Variants in ZFYVE28 observed in about 807,000 individuals in gnomAD.
The protein encoded by ZFYVE28 is lateral signaling target protein 2 homolog.
ZFYVE28 carries 40 observed loss-of-function variants against 82.1 expected under a neutral mutation model. That is an observed-to-expected ratio of 0.49 (90% CI 0.38 to 0.63). The LOEUF (loss-of-function observed/expected upper bound fraction) is 0.63. ZFYVE28 is among the 30% of genes least tolerant of loss of function. The pLI, the probability that ZFYVE28 is intolerant of heterozygous loss-of-function variation, is 0.00. For synonymous variants in ZFYVE28, 612 were observed against 546.1 expected, an observed-to-expected ratio of 1.12 and a Z score of -1.68; for missense variants, 1,321 against 1,242.1, an observed-to-expected ratio of 1.06 and a Z score of -0.96.
chr4:2,288,553 G>T (rs567633408), intron 8 of ZFYVE28, among the ~76,000 whole-genome samples: 1 of 152,366 alleles, frequency 6.6e-6, no homozygotes, highest in South Asian at 2.1e-4. Context: ...CTGCCATGGG[G>T]AGGGTGTCTC....
chr4:2,381,954 T>C (rs1728769955), intron 1 of ZFYVE28, among the ~76,000 whole-genome samples: 1 of 152,222 alleles, frequency 6.6e-6, no homozygotes, highest in Non-Finnish European at 1.5e-5. Flanking sequence ...TGGTGCCCTG[T>C]GTCCCAGCTG....
In ZFYVE28 at chr4:2,339,191, C is replaced by T. The variant is rs1174271450; in HGVS notation, c.521+262G>A. On this transcript the variant is annotated intron_variant, in intron 4 of 12. Transcript: ENST00000290974. This position sits in a 1 kb window ranked among gnomAD's most constrained non-coding sequence, Gnocchi z 5.0. ...TGCATGTCTGGCCCCTCGGGCCTCTCCAAAGCCCTTCCCCTGGAGGCCCAC... is the reference window on the plus strand; with the variant it reads ...TGCATGTCTGGCCCCTCGGGCCTCTTCAAAGCCCTTCCCCTGGAGGCCCAC... Among the ~76,000 whole-genome samples, 3 of 152,220 alleles carry T rather than the reference C, an allele frequency of 2.0e-5. No individual in the cohort carries two copies. The highest frequency in any genetic ancestry group is 2.9e-5 in the Non-Finnish European group (2 of 68,036).
At chr4:2,271,504 A>C in intron 11 of ZFYVE28, 90 bp from the exon 12 acceptor site, 1 of 1,481,426 alleles carries the variant, frequency 6.8e-7, no homozygotes, top group Non-Finnish European at 9.4e-7. Context: ...CCTCCTTTCC[A>C]GACTGCCAAG....
chr4:2,413,574 AG>A (rs1732742112), intron 1 of ZFYVE28, among the ~76,000 whole-genome samples: 1 of 152,150 alleles, frequency 6.6e-6, no homozygotes, highest in Non-Finnish European at 1.5e-5. Flanking sequence ...CAGCCTGTGC[AG>A]CATCCGGAAC....
rs899888324 is a variant in ZFYVE28, at chr4:2,364,983, C to T, written c.40-10910G>A. The T allele has an allele frequency of 2.1e-5, 18 of 841,622 alleles. No individual in the cohort carries two copies. In the African/African-American group the frequency reaches 2.6e-4, roughly 12 times the overall value. The allele number at this position is 841,622 out of a possible 1,614,324, so 52.1% of individuals were successfully genotyped here. A position where few individuals can be genotyped will look rare whatever the true frequency, so the allele number is the denominator to read the frequency against. On this transcript the variant is annotated intron_variant, in intron 1 of 12. Coordinates refer to ENST00000290974, the MANE Select transcript of ZFYVE28 (RefSeq NM_020972.3). ...ACAGAGCCGGGGTGTCCCGGGCGCA[C>T]GCGGGGGTCACTCCCTAGGCGTCAG...
At chr4:2,312,706 G>A (rs1321749466) in intron 7 of ZFYVE28, among the ~76,000 whole-genome samples, 4 of 128,582 alleles carry the variant, frequency 3.1e-5, no homozygotes, top group East Asian at 2.4e-4. Context: ...CAGCCTGGGC[G>A]ACAGAGCGAG....
chr4:2,313,096 G>A (rs1717718895), intron 7 of ZFYVE28, among the ~76,000 whole-genome samples: 1 of 151,318 alleles, frequency 6.6e-6, no homozygotes, highest in African/African-American at 2.4e-5. Flanking sequence ...TGTAATTGGG[G>A]ATTTTTCCAG....
At chr4:2,307,565 C>T (rs981912506) in intron 7 of ZFYVE28, among the ~76,000 whole-genome samples, 1 of 152,190 alleles carries the variant, frequency 6.6e-6, no homozygotes, top group Admixed American at 6.5e-5. Context: ...CCACTGGAGA[C>T]TCAAACTCCT....
At chr4:2,330,472 G>A in intron 6 of ZFYVE28, 1 of 1,081,924 alleles carries the variant, frequency 9.2e-7, no homozygotes, top group South Asian at 2.6e-5. Context: ...TCATAAAGGA[G>A]GGGACAGCAT....
At chr4:2,271,556 G>A in intron 11 of ZFYVE28, 119 bp downstream of exon 11, 2 of 1,415,040 alleles carry the variant, frequency 1.4e-6, no homozygotes, top group Non-Finnish European at 2.0e-6. Flanking sequence ...CGGTCTCCCA[G>A]CTCCCACATG....
At chr4:2,272,772 T>C (rs1175458946) in intron 10 of ZFYVE28, among the ~76,000 whole-genome samples, 2 of 151,768 alleles carry the variant, frequency 1.3e-5, no homozygotes, top group Non-Finnish European at 2.9e-5. Flanking sequence ...CACGGCCGAG[T>C]CTCATCCTTA....
chr4:2,358,513 G>A (rs950957821), intron 1 of ZFYVE28, among the ~76,000 whole-genome samples: 15 of 152,178 alleles, frequency 9.9e-5, no homozygotes, highest in East Asian at 7.7e-4. Flanking sequence ...CAGGGAAGCC[G>A]ACTCCCACCT....
chr4:2,342,808 C>G (rs1723011539), intron 2 of ZFYVE28: 1 of 152,094 alleles, frequency 6.6e-6, no homozygotes, highest in Non-Finnish European at 1.5e-5. Flanking sequence ...AATATGAAAT[C>G]AATACACGTT....
Position 2,336,570 on chromosome 4 carries a change from C to T in ZFYVE28, c.612-776G>A, listed in dbSNP as rs564350232. Among the ~76,000 whole-genome samples the T allele has an allele frequency of 1.7e-4, 26 of 149,566 alleles. No homozygotes were observed. The East Asian group carries it at 2.5e-3, about 15-fold the overall frequency. On this transcript the variant is annotated intron_variant, in intron 5 of 12. Transcript: ENST00000290974. ...ATTGATGGCTTCCCCCTGCCCCCCC[C>T]ACTCCCTAAAAAAGAAACACTTGTT...
intron 8 of ZFYVE28, among the ~76,000 whole-genome samples, chr4:2,279,056 A>G (rs1238589216): frequency 6.6e-6 from 1 of 152,164 alleles, no homozygotes; most frequent in Non-Finnish European, 1.5e-5. Flanking sequence ...CACTTTGGAA[A>G]ACAGTTGAAT....
intron 1 of ZFYVE28, among the ~76,000 whole-genome samples, chr4:2,393,722 C>T (rs944973166): frequency 2.0e-5 from 3 of 152,244 alleles, no homozygotes; most frequent in Non-Finnish European, 4.4e-5. Context: ...CTTGCCGCTG[C>T]CCCTCCTCCC....
chr4:2,383,062 C>G (rs1728889714), intron 1 of ZFYVE28, among the ~76,000 whole-genome samples: 1 of 152,126 alleles, frequency 6.6e-6, no homozygotes, highest in Non-Finnish European at 1.5e-5. Flanking sequence ...AGATATAATT[C>G]AAGTTGCGAC....
At chr4:2,407,146 C>T (rs1732012629) in intron 1 of ZFYVE28, among the ~76,000 whole-genome samples, 1 of 152,154 alleles carries the variant, frequency 6.6e-6, no homozygotes, top group South Asian at 2.1e-4. Context: ...TTGCCTCCCA[C>T]TCCTTCCTTC....
intron 8 of ZFYVE28, among the ~76,000 whole-genome samples, chr4:2,296,839 G>A (rs1209860609): frequency 4.6e-5 from 7 of 152,312 alleles, no homozygotes; most frequent in East Asian, 1.9e-4. Flanking sequence ...GGGAGCCCCC[G>A]GATCCGGAGA....
Sources: allele counts gnomAD v4.1 joint callset (sites outside exome capture counted in the v4.1 genomes callset), GRCh38; gene constraint gnomAD v4.1.1; non-coding constraint Gnocchi (gnomAD v3.1); transcripts MANE v1.5; gene names NCBI Gene and HGNC (gene_info 2026-07-23, HGNC 2026-07-21).